SV2C: variants seen among roughly 807,000 people sequenced by gnomAD.
SV2C encodes the protein synaptic vesicle glycoprotein 2C, also known as solute carrier family 22 member B3.
Under a neutral mutation model 79.7 loss-of-function variants are expected in SV2C, and 49 were observed. The ratio of observed to expected loss-of-function variants is 0.61; its 90% CI spans 0.49 to 0.78. SV2C has a LOEUF of 0.78. Ranked by LOEUF, SV2C falls within the 30% of genes least tolerant of loss-of-function variation. SV2C has a pLI of 0.00. For missense variants in SV2C, 833 were observed against 912.9 expected (o/e 0.91, Z 1.13); for synonymous variants, 334 against 333.2 (o/e 1.00, Z -0.03).
intron 2 of SV2C, among the ~76,000 whole-genome samples, chr5:76,153,489 A>C (rs1311649827): frequency 6.6e-6 from 1 of 152,138 alleles, no homozygotes; most frequent in African/African-American, 2.4e-5. Flanking sequence ...TCATCCAGCA[A>C]ACACTTATTT....
At chr5:75,968,289 G>T in the SV2C span, among the ~76,000 whole-genome samples, 1 of 152,244 alleles carries the variant, frequency 6.6e-6, no homozygotes, top group Non-Finnish European at 1.5e-5. Context: ...CCAAAGGAAT[G>T]CAGCTCCTCA....
At chr5:76,070,336 C>A in the SV2C span, among the ~76,000 whole-genome samples, 3 of 152,174 alleles carry the variant, frequency 2.0e-5, no homozygotes, top group Non-Finnish European at 4.4e-5. Flanking sequence ...ACCACAGAGA[C>A]AACTGTGGTT....
the SV2C span, among the ~76,000 whole-genome samples, chr5:76,053,743 AGT>A: frequency 6.6e-6 from 1 of 152,156 alleles, no homozygotes; most frequent in East Asian, 1.9e-4. Flanking sequence ...TTGAGGAGGC[AGT>A]GTGTATCTTG....
the SV2C span, among the ~76,000 whole-genome samples, chr5:76,073,501 G>GTATATATATATA: frequency 3.4e-5 from 3 of 87,230 alleles, no homozygotes; most frequent in Non-Finnish European, 7.0e-5. Context: ...ATGTATGTGT[G>GTATATATATATA]TGTATATATA....
At chr5:75,971,578 G>A in the SV2C span, among the ~76,000 whole-genome samples, 2 of 152,040 alleles carry the variant, frequency 1.3e-5, no homozygotes, top group Non-Finnish European at 2.9e-5. Flanking sequence ...ATTCACAATT[G>A]CTTCAAAGAG....
chr5:76,073,503 G>GTATGTGCATATA, the SV2C span, among the ~76,000 whole-genome samples: 1 of 67,412 alleles, frequency 1.5e-5, no homozygotes, highest in African/African-American at 6.6e-5. Context: ...GTATGTGTGT[G>GTATGTGCATATA]TATATATATA....
intron 12 of SV2C, among the ~76,000 whole-genome samples, chr5:76,345,283 G>A (rs796883659): frequency 5.9e-5 from 9 of 152,278 alleles, no homozygotes; most frequent in African/African-American, 2.2e-4. Context: ...CGGCAAATAA[G>A]CATTCATTTA....
At chr5:76,267,409 G>T (rs1244366639) in intron 4 of SV2C, among the ~76,000 whole-genome samples, 1 of 152,116 alleles carries the variant, frequency 6.6e-6, no homozygotes, top group Non-Finnish European at 1.5e-5. Flanking sequence ...TCTATATGAA[G>T]TCCAAGTACA....
the SV2C span, among the ~76,000 whole-genome samples, chr5:75,857,114 C>T: frequency 1.1e-4 from 16 of 151,922 alleles, no homozygotes; most frequent in South Asian, 2.1e-4. Flanking sequence ...CCTGCCACCA[C>T]GCCTGGCTAA....
chr5:75,864,985 T>G, the SV2C span, among the ~76,000 whole-genome samples: 1 of 152,160 alleles, frequency 6.6e-6, no homozygotes, highest in East Asian at 1.9e-4. Context: ...TGGGAAAAGA[T>G]TCATTGTAAA....
the SV2C span, among the ~76,000 whole-genome samples, chr5:75,892,176 A>G: frequency 8.6e-4 from 131 of 151,966 alleles, no homozygotes; most frequent in African/African-American, 2.9e-3. Context: ...CTTCCCTGGT[A>G]TTGTGTATCT....
chr5:76,191,314 A>G (rs1580343386), intron 2 of SV2C, among the ~76,000 whole-genome samples: 1 of 152,214 alleles, frequency 6.6e-6, no homozygotes, highest in Non-Finnish European at 1.5e-5. Context: ...TTGGGCAGGG[A>G]CACAGACCCA....
At chr5:76,193,538 A>G (rs1363846186) in intron 2 of SV2C, among the ~76,000 whole-genome samples, 5 of 152,246 alleles carry the variant, frequency 3.3e-5, no homozygotes, top group African/African-American at 9.6e-5. Flanking sequence ...AACAGTGGAA[A>G]TATTCAAAAT....
chr5:76,079,119 T>C (rs769183510), upstream of SV2C: 7 of 348,152 alleles, frequency 2.0e-5, no homozygotes, highest in Non-Finnish European at 4.1e-5. Flanking sequence ...ATTGGAACAT[T>C]ACAATTCTAC....
chr5:75,956,786 A>C, the SV2C span, among the ~76,000 whole-genome samples: 1 of 151,954 alleles, frequency 6.6e-6, no homozygotes, highest in Non-Finnish European at 1.5e-5. Context: ...TCCTCTGGGA[A>C]ACCTCTGGGC....
At chr5:75,979,150 T>C in the SV2C span, among the ~76,000 whole-genome samples, 114 of 152,244 alleles carry the variant, frequency 7.5e-4, no homozygotes, top group African/African-American at 2.2e-3. Flanking sequence ...CATTACATAA[T>C]GGTCAAGTGT....
At chr5:76,303,924 AT>A (rs1371592084) in intron 12 of SV2C, among the ~76,000 whole-genome samples, 3 of 152,162 alleles carry the variant, frequency 2.0e-5, no homozygotes, top group African/African-American at 7.2e-5. Context: ...AGGAAGGAGT[AT>A]TTGGGTGGAA....
chr5:76,298,819 G>GTAAC lies in SV2C; in HGVS notation c.1530_1533dup (p.Phe512AsnfsTer8). On this transcript the variant is annotated frameshift_variant, in exon 10 of 13. Transcript: ENST00000502798. LOFTEE classifies it high-confidence loss of function. The stretch of plus-strand genomic sequence containing the variant: ...ATTCATAGGGGTCAAGTTCAAATCT[G>GTAAC]TAACTTTCAAAGACTCTGTTTTTAA... 1 of 1,613,932 alleles carries GTAAC rather than the reference G, an allele frequency of 6.2e-7. No homozygotes were observed. The highest frequency in any genetic ancestry group is 8.5e-7 in the Non-Finnish European group (1 of 1,179,848).
At chr5:75,991,044 T>C in the SV2C span, among the ~76,000 whole-genome samples, 1 of 151,976 alleles carries the variant, frequency 6.6e-6, no homozygotes, top group Non-Finnish European at 1.5e-5. Flanking sequence ...AGTATATACA[T>C]GTTTTTAAGG....
Sources: allele counts gnomAD v4.1 joint callset (sites outside exome capture counted in the v4.1 genomes callset), GRCh38; gene constraint gnomAD v4.1.1; transcripts MANE v1.5; gene names NCBI Gene and HGNC (gene_info 2026-07-23, HGNC 2026-07-21).